SEMA5A: variants seen among roughly 807,000 people sequenced by gnomAD.
SEMA5A encodes semaphorin 5A, also known as semaphorin-5A.
A neutral mutation model predicts 135.5 loss-of-function variants in SEMA5A; 55 were observed. That is an observed-to-expected ratio of 0.41 (90% CI 0.33 to 0.51). The LOEUF (loss-of-function observed/expected upper bound fraction) is 0.51, where lower values mean the gene tolerates loss of function less well. Ranked by LOEUF, SEMA5A falls within the 20% of genes least tolerant of loss-of-function variation. SEMA5A has a pLI of 0.37. For synonymous variants in SEMA5A, 580 were observed against 546.5 expected (o/e 1.06, Z -0.85); for missense variants, 1,290 against 1,419.9 (o/e 0.91, Z 1.47).
intron 1 of SEMA5A, among the ~76,000 whole-genome samples, chr5:9,450,574 T>A (rs927938696): frequency 6.6e-6 from 1 of 152,168 alleles, no homozygotes; most frequent in Non-Finnish European, 1.5e-5. Flanking sequence ...CCCTTGCTGC[T>A]GCCTGTCACA....
rs115256653 is a variant in SEMA5A, at chr5:9,447,309, A to G, written c.-174-9457T>C. 5.0e-3 allele frequency among the ~76,000 whole-genome samples: 769 copies of G among 152,340 alleles called. 9 individuals carry two copies. Among genetic ancestry groups the G allele is most frequent in the African/African-American group, 0.017 (695 of 41,568 alleles). ...AGTGTCACTGTTTTACATGGTATAC[A>G]ATGATCTGGGCCAAGCCAATTGCGT... On this transcript the variant is annotated intron_variant, in intron 1 of 22. Coordinates refer to ENST00000382496, the MANE Select transcript of SEMA5A (RefSeq NM_003966.3).
chr5:9,131,620 A>C (rs1365890910), intron 13 of SEMA5A, among the ~76,000 whole-genome samples: 2 of 16,586 alleles, frequency 1.2e-4, no homozygotes, highest in Non-Finnish European at 6.6e-4. Flanking sequence ...AAAAAAAAAA[A>C]AAAAAAAAAA....
Position 9,189,586 on chromosome 5 carries a change from T to C in SEMA5A, c.1273+681A>G, listed in dbSNP as rs1744990462. Among the ~76,000 whole-genome samples the C allele has an allele frequency of 2.0e-5, 3 of 152,178 alleles. No individual in the cohort carries two copies. In the South Asian group the frequency reaches 6.2e-4, roughly 32 times the overall value. The stretch of plus-strand genomic sequence containing the variant: ...GGCAGACTCCACCATGAGATGGCTC[T>C]GTATGGGAATCTGAAGGCAGGAAAG... On this transcript the variant is annotated intron_variant, in intron 11 of 22. Coordinates refer to ENST00000382496, the MANE Select transcript of SEMA5A (RefSeq NM_003966.3).
chr5:9,057,803 C>T (rs759482237), intron 18 of SEMA5A, among the ~76,000 whole-genome samples: 1 of 152,234 alleles, frequency 6.6e-6, no homozygotes, highest in Admixed American at 6.5e-5. Flanking sequence ...CCTATGTCCC[C>T]AGACCAATTC....
At chr5:9,273,105 A>C (rs1183176209) in intron 5 of SEMA5A, among the ~76,000 whole-genome samples, 1 of 152,128 alleles carries the variant, frequency 6.6e-6, no homozygotes, top group African/African-American at 2.4e-5. Context: ...GAAGCTAAGA[A>C]CCTTGAAAAA....
intron 1 of SEMA5A, among the ~76,000 whole-genome samples, chr5:9,460,076 A>G (rs956054962): frequency 1.3e-5 from 2 of 152,220 alleles, no homozygotes; most frequent in Admixed American, 1.3e-4. Context: ...ACCTACAATG[A>G]TTAGACAGTG....
intron 2 of SEMA5A, among the ~76,000 whole-genome samples, chr5:9,432,994 A>C (rs952591390): frequency 6.6e-6 from 1 of 152,234 alleles, no homozygotes; most frequent in African/African-American, 2.4e-5. Flanking sequence ...CTAACGAAGA[A>C]TGAATAAAAG....
intron 3 of SEMA5A, among the ~76,000 whole-genome samples, chr5:9,343,227 G>C (rs1490600564): frequency 6.6e-6 from 1 of 152,190 alleles, no homozygotes; most frequent in East Asian, 1.9e-4. Flanking sequence ...GTGTCTTTAT[G>C]TAAGTATGGA....
At chr5:9,411,612 A>G (rs1323413876) in intron 2 of SEMA5A, among the ~76,000 whole-genome samples, 1 of 152,202 alleles carries the variant, frequency 6.6e-6, no homozygotes, top group East Asian at 1.9e-4. Flanking sequence ...AGCTGTGCTC[A>G]TGAGTTACCA....
At chr5:9,473,843 G>T (rs1202516358) in intron 1 of SEMA5A, among the ~76,000 whole-genome samples, 1 of 152,164 alleles carries the variant, frequency 6.6e-6, no homozygotes, top group Non-Finnish European at 1.5e-5. Flanking sequence ...GTGTTCTCAT[G>T]AGCTGGAGGG....
At chr5:9,419,713 T>C (rs572873737) in intron 2 of SEMA5A, among the ~76,000 whole-genome samples, 27 of 152,154 alleles carry the variant, frequency 1.8e-4, no homozygotes, top group Admixed American at 5.9e-4. Context: ...ATTTAACATT[T>C]TATAAATGAC....
At position 9,532,432 on chromosome 5, in the gene SEMA5A, A is replaced by T. The variant is rs569922925; in HGVS notation, c.-175+13152T>A. ...AGGTGCCTGCCACCATGCCCAGTTA[A>T]TTTTTTTCTTTTTTTTTTTTTTTTT... On this transcript the variant is annotated intron_variant, in intron 1 of 22. Coordinates refer to ENST00000382496, the MANE Select transcript of SEMA5A (RefSeq NM_003966.3). Among the ~76,000 whole-genome samples the T allele has an allele frequency of 3.1e-3, 396 of 128,762 alleles. 2 individuals are homozygous for T. In the South Asian group the frequency reaches 0.041, roughly 13 times the overall value. 84.5% of individuals were successfully genotyped at this position (128,762 alleles called of 152,430 possible). A position where few individuals can be genotyped will look rare whatever the true frequency, so the allele number is the denominator to read the frequency against.
chr5:9,161,563 CTTATAG>C (rs200994530), intron 11 of SEMA5A, among the ~76,000 whole-genome samples: 2,771 of 152,130 alleles, frequency 0.018, 42 homozygotes, highest in Non-Finnish European at 0.026. Flanking sequence ...GTATTTTATA[CTTATAG>C]TCCATTTCAG....
chr5:9,233,978 A>G (rs1805959), intron 6 of SEMA5A, among the ~76,000 whole-genome samples: 24,255 of 152,116 alleles, frequency 0.16, 2,435 homozygotes, highest in Non-Finnish European at 0.22. Context: ...GAGATGTCAC[A>G]TTTTGCATTA....
intron 5 of SEMA5A, among the ~76,000 whole-genome samples, chr5:9,301,646 T>C (rs1455123727): frequency 6.6e-6 from 1 of 152,182 alleles, no homozygotes; most frequent in East Asian, 1.9e-4. Context: ...AAGAAATTGG[T>C]CTTGCAGCTC....
chr5:9,269,162 G>A (rs544871123), intron 5 of SEMA5A, among the ~76,000 whole-genome samples: 28 of 152,134 alleles, frequency 1.8e-4, no homozygotes, highest in Middle Eastern at 3.4e-3. Flanking sequence ...TTGTCATCAC[G>A]CTGAATCATC....
Position 9,122,747 on chromosome 5 carries a change from G to A in SEMA5A, c.1690C>T (p.Leu564Phe). ...CTGTCGCAGGAGCGGGTTCGACAGA[G>A]GCAGGATCCCACGGCGCTGCCATCT... ...HTDGSAVGSC[L>F]CRTRSCDSPA... Residue 564 changes from leucine to phenylalanine, a missense_variant, in exon 14 of 23, where the codon CTC becomes TTC. Physicochemically the swap from Leu to Phe is conservative, Grantham distance 22 (BLOSUM62 0). Transcript: ENST00000382496. The A allele has an allele frequency of 6.2e-7, 1 of 1,613,756 alleles. No homozygotes were observed. Among genetic ancestry groups the A allele is most frequent in the Middle Eastern group, 1.7e-4 (1 of 6,058 alleles).
chr5:9,469,880 G>C (rs1392800093), intron 1 of SEMA5A, among the ~76,000 whole-genome samples: 1 of 152,216 alleles, frequency 6.6e-6, no homozygotes, highest in East Asian at 1.9e-4. Context: ...ATGTTTAAGA[G>C]GGCAAGCTCT....
At chr5:9,443,429 G>A (rs1758313329) in intron 1 of SEMA5A, among the ~76,000 whole-genome samples, 1 of 152,158 alleles carries the variant, frequency 6.6e-6, no homozygotes, top group Non-Finnish European at 1.5e-5. Flanking sequence ...AGGATGTCCT[G>A]AAATGGTGCA....
Sources: gnomAD v4.1 joint callset for allele counts (sites outside exome capture counted in the v4.1 genomes callset) on GRCh38, gnomAD v4.1.1 for gene constraint, MANE v1.5 for transcripts, NCBI Gene and HGNC (gene_info 2026-07-23, HGNC 2026-07-21) for gene names.